ANTXRL: variants seen among roughly 807,000 people sequenced by gnomAD.
The protein encoded by ANTXRL is anthrax toxin receptor-like.
Under a neutral mutation model 75.4 loss-of-function variants are expected in ANTXRL, and 63 were observed. The ratio of observed to expected loss-of-function variants is 0.84; its 90% confidence interval spans 0.68 to 1.03. The LOEUF (loss-of-function observed/expected upper bound fraction) is 1.03. ANTXRL is among the 50% of genes least tolerant of loss of function. The pLI is 0.00. For missense variants in ANTXRL, 797 were observed against 789.4 expected (o/e 1.01, Z -0.12); for synonymous variants, 335 against 291.3 (o/e 1.15, Z -1.53).
At chr10:46,307,589 G>A (rs1453043975) in intron 12 of ANTXRL, 109 bp downstream of exon 12, 15 of 1,072,462 alleles carry the variant, frequency 1.4e-5, no homozygotes, top group East Asian at 5.2e-5. Flanking sequence ...AGAAAGTAGC[G>A]TGTGCAGCAG....
At chr10:46,289,451 G>A (rs567118761) in intron 1 of ANTXRL, among the ~76,000 whole-genome samples, 43 of 152,242 alleles carry the variant, frequency 2.8e-4, no homozygotes, top group African/African-American at 9.4e-4. Context: ...ATTCTCAGCC[G>A]GGAGCAGTAG....
At chr10:46,312,651 T>C (rs1838494742) in intron 15 of ANTXRL, among the ~76,000 whole-genome samples, 1 of 146,742 alleles carries the variant, frequency 6.8e-6, no homozygotes, top group Non-Finnish European at 1.5e-5. Flanking sequence ...GCCAGCGGCC[T>C]GCACTGCCTT....
chr10:46,307,686 C>T (rs1220326228), intron 12 of ANTXRL, among the ~76,000 whole-genome samples: 3 of 152,120 alleles, frequency 2.0e-5, no homozygotes, highest in Non-Finnish European at 2.9e-5. Flanking sequence ...AGTCCAGCAC[C>T]TCTAGGCCAG....
intron 15 of ANTXRL, among the ~76,000 whole-genome samples, chr10:46,312,647 G>A (rs1201065513): frequency 4.1e-5 from 6 of 146,620 alleles, no homozygotes; most frequent in African/African-American, 1.3e-4. Flanking sequence ...ACCTGCCAGC[G>A]GCCTGCACTG....
intron 10 of ANTXRL, among the ~76,000 whole-genome samples, chr10:46,305,480 G>C (rs781811724): frequency 6.6e-6 from 1 of 152,182 alleles, no homozygotes; most frequent in Non-Finnish European, 1.5e-5. Context: ...TGCCATAATT[G>C]TTTTGAAATC....
At chr10:46,302,597 A>C (rs782453004) in intron 9 of ANTXRL, 125 bp from the exon 10 acceptor site, 5 of 671,076 alleles carry the variant, frequency 7.5e-6, no homozygotes, top group Non-Finnish European at 1.3e-5. Context: ...GTTCAGACAC[A>C]GCTCTTTCCT....
chr10:46,301,107 G>C (rs1837710781), intron 9 of ANTXRL, among the ~76,000 whole-genome samples: 1 of 152,184 alleles, frequency 6.6e-6, no homozygotes, highest in South Asian at 2.1e-4. Context: ...CTTTGGGGCA[G>C]CACTCAGCCC....
intron 1 of ANTXRL, among the ~76,000 whole-genome samples, chr10:46,291,080 T>A (rs782036621): frequency 6.6e-6 from 1 of 152,218 alleles, no homozygotes; most frequent in African/African-American, 2.4e-5. Flanking sequence ...CATTTAGGTC[T>A]TTGACCCATT....
chr10:46,326,189 G>A (rs1299269589), intron 16 of ANTXRL, among the ~76,000 whole-genome samples: 2 of 151,916 alleles, frequency 1.3e-5, no homozygotes, highest in Admixed American at 6.6e-5. Flanking sequence ...AAGAGGAATA[G>A]CTGTGAGTAG....
intron 12 of ANTXRL, chr10:46,308,322 C>T (rs1838214163): frequency 1.6e-5 from 6 of 384,502 alleles, no homozygotes; most frequent in South Asian, 3.9e-5. Context: ...GGGCTCCCAC[C>T]TCGCCAGCGG....
At chr10:46,325,292 C>T (rs1839161453) in intron 16 of ANTXRL, among the ~76,000 whole-genome samples, 1 of 152,150 alleles carries the variant, frequency 6.6e-6, no homozygotes, top group African/African-American at 2.4e-5. Flanking sequence ...TCTCCTTTCC[C>T]AGTGTCCTGG....
chr10:46,323,279 AC>A (rs1793896286), intron 16 of ANTXRL, among the ~76,000 whole-genome samples: 1 of 152,130 alleles, frequency 6.6e-6, no homozygotes, highest in South Asian at 2.1e-4. Flanking sequence ...TTGGCATAGG[AC>A]CTATGAACAA....
intron 10 of ANTXRL, among the ~76,000 whole-genome samples, 161 bp downstream of exon 10, chr10:46,302,981 T>C (rs1398210316): frequency 6.6e-6 from 1 of 152,064 alleles, no homozygotes; most frequent in Non-Finnish European, 1.5e-5. Context: ...GGAAGGCCGG[T>C]CACCCCTCCC....
chr10:46,311,615 A>T lies in ANTXRL; in HGVS notation c.1279A>T (p.Ile427Phe). Residue 427 changes from isoleucine to phenylalanine, a missense_variant, in exon 15 of 17, where the codon ATT becomes TTT. By Grantham distance (21) the Ile-to-Phe change is conservative (BLOSUM62 0). This residue lies in a region of ANTXRL where 479 missense variants were observed against 422.0 expected (regional missense o/e 1.14). Transcript: ENST00000620264. ...PAPVNTCPTV[I>F]ICCCGCQGVG... Reference sequence around the variant, plus strand: ...TCCTGTAAACACCTGCCCCACTGTGATTATTTGTTGCTGTGGATGCCAAGG... The same window carrying T: ...TCCTGTAAACACCTGCCCCACTGTGTTTATTTGTTGCTGTGGATGCCAAGG... 3 of 1,382,454 alleles carry T rather than the reference A, an allele frequency of 2.2e-6. No homozygotes were observed. Among genetic ancestry groups the T allele is most frequent in the Non-Finnish European group, 3.0e-6 (3 of 1,006,830 alleles). The allele number at this position is 1,382,454 out of a possible 1,614,324, so 85.6% of individuals were successfully genotyped here.
intron 1 of ANTXRL, among the ~76,000 whole-genome samples, chr10:46,288,595 C>T (rs1836855986): frequency 6.6e-6 from 1 of 152,206 alleles, no homozygotes; most frequent in Non-Finnish European, 1.5e-5. Context: ...AGTCCACTCA[C>T]TAGCCACATA....
At chr10:46,305,962 C>A (rs1232622705) in intron 10 of ANTXRL, among the ~76,000 whole-genome samples, 1 of 152,150 alleles carries the variant, frequency 6.6e-6, no homozygotes, top group South Asian at 2.1e-4. Context: ...CCTCCATGTG[C>A]AAAATACATC....
chr10:46,320,595 G>T (rs1482747511), intron 16 of ANTXRL, among the ~76,000 whole-genome samples: 1 of 152,066 alleles, frequency 6.6e-6, no homozygotes, highest in African/African-American at 2.4e-5. Context: ...ATCTGGGTGT[G>T]GTGGCACATG....
chr10:46,329,608 C>A lies in ANTXRL; in HGVS notation c.1420C>A (p.Leu474Ile). Reference sequence around the variant, plus strand: ...CTTCTCTTCCCTACAGGGGAGGTACCTCAGCTTAGCCCTTGCACAGTCCCA... The same window carrying A: ...CTTCTCTTCCCTACAGGGGAGGTACATCAGCTTAGCCCTTGCACAGTCCCA... The part of the protein sequence containing the change: ...CCQSRDQGRY[L>I]SLALAQSQYA... Residue 474 changes from leucine (L) to isoleucine (I), a missense_variant, in exon 17 of 17, where the codon CTC (leucine) becomes ATC (isoleucine). Physicochemically the swap from Leu to Ile is conservative, Grantham distance 5. Around this residue, in one of 3 missense-constraint regions of ANTXRL, gnomAD observed 479 missense variants for 422.0 expected, o/e 1.14. Coordinates refer to ENST00000620264, the MANE Select transcript of ANTXRL (RefSeq NM_001278688.3). 2 of 1,535,468 alleles carry A rather than the reference C, an allele frequency of 1.3e-6. No homozygotes were observed. The highest frequency in any genetic ancestry group is 1.7e-6 in the Non-Finnish European group (2 of 1,146,100).
chr10:46,299,313 C>T (rs1347790275), intron 9 of ANTXRL, among the ~76,000 whole-genome samples: 1 of 152,148 alleles, frequency 6.6e-6, no homozygotes. Context: ...CTCAGCTCAC[C>T]TCAATCCCAC....
Sources: gnomAD v4.1 joint callset for allele counts (sites outside exome capture counted in the v4.1 genomes callset) on GRCh38, gnomAD v4.1.1 for gene constraint, gnomAD v4.1.1 regional missense constraint, MANE v1.5 for transcripts, NCBI Gene and HGNC (gene_info 2026-07-23, HGNC 2026-07-21) for gene names.